Variants in EYS observed in about 807,000 individuals in gnomAD.
EYS encodes the protein protein eyes shut homolog.
EYS carries 250 observed loss-of-function variants against 282.1 expected under a neutral mutation model. The observed-to-expected ratio is 0.89, with a 90% CI of 0.80 to 0.98. The LOEUF is 0.98. Ranked by LOEUF, EYS falls within the 50% of genes least tolerant of loss-of-function variation. EYS has a pLI of 0.00. For synonymous variants in EYS, 1,355 were observed against 1,282.9 expected (o/e 1.06, Z -1.20); for missense variants, 4,016 against 3,709.0 (o/e 1.08, Z -2.15).
intron 23 of EYS, among the ~76,000 whole-genome samples, chr6:64,624,703 A>C (rs1767549182): frequency 1.3e-5 from 2 of 152,136 alleles, no homozygotes; most frequent in African/African-American, 4.8e-5. Flanking sequence ...TGTGGGTGAC[A>C]CTCAGTTGAT....
chr6:64,887,932 A>G (rs1299183868), intron 18 of EYS, among the ~76,000 whole-genome samples: 2 of 151,932 alleles, frequency 1.3e-5, no homozygotes, highest in Admixed American at 1.3e-4. Context: ...GTGTTTTAAA[A>G]TTCTGAATAT....
chr6:63,915,814 T>C (rs1225598942), intron 35 of EYS, among the ~76,000 whole-genome samples: 4 of 152,160 alleles, frequency 2.6e-5, no homozygotes, highest in Non-Finnish European at 4.4e-5. Context: ...AGAATTAGAA[T>C]TGGAGCCTGA....
At chr6:65,571,956 G>C (rs918403209) in intron 2 of EYS, among the ~76,000 whole-genome samples, 2 of 151,902 alleles carry the variant, frequency 1.3e-5, no homozygotes, top group African/African-American at 4.8e-5. Flanking sequence ...GTAATGAGAT[G>C]CATATGGAAA....
At chr6:64,193,223 A>C (rs1765170934) in intron 31 of EYS, among the ~76,000 whole-genome samples, 1 of 152,202 alleles carries the variant, frequency 6.6e-6, no homozygotes, top group Admixed American at 6.5e-5. Context: ...CAGAATTGAA[A>C]TATTTACAAG....
chr6:65,171,072 C>T (rs911231395), intron 12 of EYS, among the ~76,000 whole-genome samples: 2 of 151,466 alleles, frequency 1.3e-5, no homozygotes, highest in Non-Finnish European at 3.0e-5. Context: ...TGAATAGAAG[C>T]TGCACAGCCT....
At chr6:65,182,084 C>T (rs1334232084) in intron 12 of EYS, among the ~76,000 whole-genome samples, 1 of 151,774 alleles carries the variant, frequency 6.6e-6, no homozygotes, top group Admixed American at 6.6e-5. Context: ...GGAGGGATAG[C>T]ATTAGGAGAT....
At chr6:64,975,874 ATACTG>A (rs1411362593) in intron 14 of EYS, among the ~76,000 whole-genome samples, 13 of 152,014 alleles carry the variant, frequency 8.6e-5, no homozygotes, top group African/African-American at 2.9e-4. Context: ...ATAAAACTAA[ATACTG>A]TACTAAAAAC....
chr6:64,224,768 A>G (rs1038025646), intron 31 of EYS, among the ~76,000 whole-genome samples: 3 of 152,174 alleles, frequency 2.0e-5, no homozygotes, highest in Non-Finnish European at 4.4e-5. Context: ...AAATAAATGG[A>G]CATAAAAGAC....
chr6:64,828,370 A>G (rs1309412300), intron 19 of EYS, among the ~76,000 whole-genome samples: 1 of 151,906 alleles, frequency 6.6e-6, no homozygotes, highest in Non-Finnish European at 1.5e-5. Context: ...GGATTTGACT[A>G]AATTGATGGA....
At chr6:64,015,574 T>A (rs1768852043) in intron 33 of EYS, among the ~76,000 whole-genome samples, 2 of 152,160 alleles carry the variant, frequency 1.3e-5, no homozygotes, top group South Asian at 4.1e-4. Flanking sequence ...GGAAATAATT[T>A]AAAATACAAA....
intron 29 of EYS, among the ~76,000 whole-genome samples, chr6:64,376,458 A>G (rs765127740): frequency 4.6e-5 from 7 of 152,228 alleles, no homozygotes; most frequent in Non-Finnish European, 8.8e-5. Context: ...AGGAGGCTGA[A>G]GAATCTGAAA....
At chr6:63,849,788 C>A (rs1028121225) in intron 36 of EYS, among the ~76,000 whole-genome samples, 1 of 152,146 alleles carries the variant, frequency 6.6e-6, no homozygotes, top group Non-Finnish European at 1.5e-5. Flanking sequence ...GATCAAGACA[C>A]CTTGTCAGCA....
At chr6:65,636,090 C>G (rs9354271) in intron 2 of EYS, among the ~76,000 whole-genome samples, 6,052 of 152,260 alleles carry the variant, frequency 0.04, 346 homozygotes, top group East Asian at 0.31. Flanking sequence ...GCAGGAAGAA[C>G]TGATCAAGCA....
At chr6:64,804,636 G>A (rs369099423) in intron 22 of EYS, among the ~76,000 whole-genome samples, 73 of 151,974 alleles carry the variant, frequency 4.8e-4, no homozygotes, top group East Asian at 3.3e-3. Flanking sequence ...TCGTATATGC[G>A]CCTCTTTGGC....
chr6:63,813,458 T>C (rs1405765441), intron 36 of EYS, among the ~76,000 whole-genome samples: 1 of 152,212 alleles, frequency 6.6e-6, no homozygotes, highest in Non-Finnish European at 1.5e-5. Flanking sequence ...TATTTTGCCT[T>C]TTACCTGACA....
At chr6:64,387,441 T>C (rs1204130104) in intron 29 of EYS, among the ~76,000 whole-genome samples, 1 of 152,136 alleles carries the variant, frequency 6.6e-6, no homozygotes, top group Non-Finnish European at 1.5e-5. Context: ...TTTAGTTTTA[T>C]ATTAAAATTT....
chr6:64,297,211 C>T (rs1289766282), intron 30 of EYS, among the ~76,000 whole-genome samples: 2 of 143,568 alleles, frequency 1.4e-5, no homozygotes, highest in Non-Finnish European at 3.0e-5. Context: ...GATCAGTGAA[C>T]TAGATGGTGG....
chr6:63,828,308 T>C (rs1004308587), intron 36 of EYS, among the ~76,000 whole-genome samples: 3 of 152,010 alleles, frequency 2.0e-5, no homozygotes, highest in Non-Finnish European at 4.4e-5. Flanking sequence ...TTTGAAAAGA[T>C]AAGTAAAATT....
intron 12 of EYS, among the ~76,000 whole-genome samples, chr6:65,255,249 C>T (rs1236536669): frequency 1.3e-5 from 2 of 151,880 alleles, no homozygotes; most frequent in African/African-American, 2.4e-5. Flanking sequence ...TCATTTTCAA[C>T]AAAGATGCCA....
Sources: gnomAD v4.1 joint callset for allele counts (sites outside exome capture counted in the v4.1 genomes callset) on GRCh38, gnomAD v4.1.1 for gene constraint, MANE v1.5 for transcripts, NCBI Gene and HGNC (gene_info 2026-07-23, HGNC 2026-07-21) for gene names.